SFRP1: variants seen among roughly 807,000 people sequenced by gnomAD.
SFRP1 encodes secreted frizzled-related protein 1.
A neutral mutation model predicts 25.9 loss-of-function variants in SFRP1; 9 were observed. The observed-to-expected ratio is 0.35, with a 90% CI of 0.21 to 0.61. The LOEUF (loss-of-function observed/expected upper bound fraction) is 0.61. Ranked by LOEUF, SFRP1 falls within the 20% of genes least tolerant of loss-of-function variation. SFRP1 has a pLI of 0.78. For missense variants in SFRP1, 346 were observed against 418.2 expected (o/e 0.83, Z 1.51); for synonymous variants, 178 against 174.0 (o/e 1.02, Z -0.18).
At chr8:41,277,927 A>G (rs1375453728) in intron 2 of SFRP1, among the ~76,000 whole-genome samples, 1 of 152,202 alleles carries the variant, frequency 6.6e-6, no homozygotes, top group Admixed American at 6.5e-5. Flanking sequence ...GTGCATTTCT[A>G]ACAAGTCCCC....
At chr8:41,284,121 T>C (rs941412456) in intron 2 of SFRP1, among the ~76,000 whole-genome samples, 1 of 152,118 alleles carries the variant, frequency 6.6e-6, no homozygotes, top group African/African-American at 2.4e-5. Flanking sequence ...GACAGGAGCC[T>C]CATCACTGAG....
At position 41,265,132 on chromosome 8, in the gene SFRP1, C is replaced by A; in HGVS notation, c.*35G>T. On this transcript the variant is annotated 3_prime_UTR_variant, in exon 3 of 3. Coordinates refer to ENST00000220772, the MANE Select transcript of SFRP1 (RefSeq NM_003012.5). ...CACTGTCCCCCCCGCTCCCACCCCA[C>A]CCGAGGCTCCCTCCCCACCCTGCCC... 1.5e-6 allele frequency: 1 copy of A among 662,780 alleles called. No individual in the cohort carries two copies. Among genetic ancestry groups the A allele is most frequent in the Non-Finnish European group, 2.6e-6 (1 of 389,696 alleles). 41.1% of individuals were successfully genotyped at this position (662,780 alleles called of 1,614,324 possible).
chr8:41,295,459 G>A (rs539892682), intron 2 of SFRP1, among the ~76,000 whole-genome samples: 2 of 151,708 alleles, frequency 1.3e-5, no homozygotes, highest in South Asian at 4.2e-4. Context: ...AACCCAGTAG[G>A]CAGAGGTTGC....
At chr8:41,299,646 G>C (rs1293487402) in intron 2 of SFRP1, among the ~76,000 whole-genome samples, 1 of 125,592 alleles carries the variant, frequency 8.0e-6, no homozygotes, top group Non-Finnish European at 1.6e-5. Context: ...AGCCCAGGTA[G>C]AGCGAGACTT....
At chr8:41,282,689 T>A (rs985465380) in intron 2 of SFRP1, among the ~76,000 whole-genome samples, 4 of 152,106 alleles carry the variant, frequency 2.6e-5, no homozygotes, top group African/African-American at 7.2e-5. Context: ...TATTTGGACA[T>A]TTTTTATTTT....
At chr8:41,266,517 CCTCAAACTCCCGGG>C (rs1803437534) in intron 2 of SFRP1, among the ~76,000 whole-genome samples, 1 of 151,960 alleles carries the variant, frequency 6.6e-6, no homozygotes, top group African/African-American at 2.4e-5. Context: ...CTCACTGCAG[CCTCAAACTCCCGGG>C]CTCAAGCAAT....
chr8:41,302,279 A>G (rs748776978), intron 2 of SFRP1, among the ~76,000 whole-genome samples: 5 of 152,210 alleles, frequency 3.3e-5, no homozygotes, highest in Non-Finnish European at 4.4e-5. Flanking sequence ...ATCTACATCC[A>G]GCTTCCATCT....
At chr8:41,297,551 A>AT (rs1196062851) in intron 2 of SFRP1, among the ~76,000 whole-genome samples, 2 of 152,156 alleles carry the variant, frequency 1.3e-5, no homozygotes, top group Non-Finnish European at 2.9e-5. Flanking sequence ...AGACATAATA[A>AT]TTATTACAGA....
At chr8:41,290,699 C>T (rs1281394006) in intron 2 of SFRP1, among the ~76,000 whole-genome samples, 2 of 152,014 alleles carry the variant, frequency 1.3e-5, no homozygotes, top group African/African-American at 4.8e-5. Context: ...TGAGCAGGCC[C>T]AGACCCAACA....
At position 41,275,193 on chromosome 8, in the gene SFRP1, G is replaced by T. The variant is rs1380105051; in HGVS notation, c.623-9704C>A. ...CACTTGTCAGCTCTGCCTGGAACCT[G>T]CTCCCTGCTTCCCTACCCAGAGCTT... On this transcript the variant is annotated intron_variant, in intron 2 of 2. Coordinates refer to ENST00000220772, the MANE Select transcript of SFRP1 (RefSeq NM_003012.5). 1.3e-5 allele frequency: 6 copies of T among 452,856 alleles called. No homozygotes were observed. The East Asian group carries it at 2.2e-4, about 16-fold the overall frequency. 28.1% of individuals were successfully genotyped at this position (452,856 alleles called of 1,614,324 possible).
chr8:41,280,842 C>T (rs1803626742), intron 2 of SFRP1, among the ~76,000 whole-genome samples: 1 of 152,302 alleles, frequency 6.6e-6, no homozygotes, highest in East Asian at 1.9e-4. Context: ...AACGGGTGCT[C>T]GGCCCACATT....
Position 41,272,098 on chromosome 8 carries a change from T to C in SFRP1, c.623-6609A>G, listed in dbSNP as rs750793122. 7.3e-5 allele frequency among the ~76,000 whole-genome samples: 11 copies of C among 151,632 alleles called. 1 individual carries two copies. Among genetic ancestry groups the C allele is most frequent in the Non-Finnish European group, 1.3e-4 (9 of 67,910 alleles). On this transcript the variant is annotated intron_variant, in intron 2 of 2. Transcript: ENST00000220772. ...GAAATTTAAAATATAAGAGAAGAAA[T>C]ATAAAATGCAAGACAAGTAAAAAGA...
In SFRP1 at chr8:41,269,098, T is replaced by C. The variant is rs369851513; in HGVS notation, c.623-3609A>G. 3.4e-4 allele frequency among the ~76,000 whole-genome samples: 52 copies of C among 152,284 alleles called. 1 individual carries two copies. The highest frequency in any genetic ancestry group is 1.2e-3 in the African/African-American group (49 of 41,568). On this transcript the variant is annotated intron_variant, in intron 2 of 2. Coordinates refer to ENST00000220772, the MANE Select transcript of SFRP1 (RefSeq NM_003012.5). ...TACTTCTGGGAGACAGCAAAGTTTA[T>C]CTCCAGCACTATCCCCACCCTGTGC...
At chr8:41,289,855 C>T (rs1803753871) in intron 2 of SFRP1, among the ~76,000 whole-genome samples, 1 of 152,222 alleles carries the variant, frequency 6.6e-6, no homozygotes, top group Non-Finnish European at 1.5e-5. Flanking sequence ...TTCTCAGAAG[C>T]TCTTCTGGAG....
At chr8:41,268,936 G>A (rs1803469235) in intron 2 of SFRP1, among the ~76,000 whole-genome samples, 1 of 152,222 alleles carries the variant, frequency 6.6e-6, no homozygotes, top group Admixed American at 6.5e-5. Flanking sequence ...AGCCCAGAAG[G>A]TAGCAGCTGG....
intron 2 of SFRP1, among the ~76,000 whole-genome samples, chr8:41,281,025 G>T (rs150045132): frequency 3.9e-4 from 60 of 152,320 alleles, no homozygotes; most frequent in Admixed American, 7.2e-4. Flanking sequence ...AGGTTTGGGG[G>T]CCAAGGCTGA....
At chr8:41,304,046 T>C (rs1415024595) in intron 1 of SFRP1, among the ~76,000 whole-genome samples, 1 of 152,030 alleles carries the variant, frequency 6.6e-6, no homozygotes, top group Non-Finnish European at 1.5e-5. Context: ...ACTCCAGCTC[T>C]CGGCCCCTGA....
chr8:41,308,604 A>G lies in SFRP1; in HGVS notation c.544+12T>C. On this transcript the variant is annotated intron_variant, in intron 1 of 2. Coordinates refer to ENST00000220772, the MANE Select transcript of SFRP1 (RefSeq NM_003012.5). Reference sequence around the variant, plus strand: ...GGGGGCGGCTCGCGCACGTGGGAGGAGGCAGCCTTACCTTGGGGCTTGGAG... The same window carrying G: ...GGGGGCGGCTCGCGCACGTGGGAGGGGGCAGCCTTACCTTGGGGCTTGGAG... The G allele has an allele frequency of 6.4e-7, 1 of 1,567,418 alleles. No homozygotes were observed. Among genetic ancestry groups the G allele is most frequent in the Non-Finnish European group, 8.7e-7 (1 of 1,150,240 alleles).
In SFRP1 at chr8:41,263,201, C is replaced by T. The variant is rs1232199469; in HGVS notation, c.*1966G>A. 2.0e-5 allele frequency: 3 copies of T among 152,672 alleles called. No homozygotes were observed. The highest frequency in any genetic ancestry group is 7.2e-5 in the African/African-American group (3 of 41,450). The allele number at this position is 152,672 out of a possible 1,614,324, so 9.5% of individuals were successfully genotyped here. ...ACCAGAACTAAGACCCAGATCCACGCACTCAGGAACTTGCTCTGAATTTCA... is the reference window on the plus strand; with the variant it reads ...ACCAGAACTAAGACCCAGATCCACGTACTCAGGAACTTGCTCTGAATTTCA... On this transcript the variant is annotated 3_prime_UTR_variant, in exon 3 of 3. Coordinates refer to ENST00000220772, the MANE Select transcript of SFRP1 (RefSeq NM_003012.5).
Sources: allele counts gnomAD v4.1 joint callset (sites outside exome capture counted in the v4.1 genomes callset), GRCh38; gene constraint gnomAD v4.1.1; transcripts MANE v1.5; gene names NCBI Gene and HGNC (gene_info 2026-07-23, HGNC 2026-07-21).